Variants in COMMD10 observed in about 807,000 individuals in gnomAD.
The protein encoded by COMMD10 is COMM domain containing 10.
In COMMD10, 33 loss-of-function variants were observed where a neutral mutation model predicts 28.9. The ratio of observed to expected loss-of-function variants is 1.14; its 90% CI spans 0.87 to 1.53. The LOEUF (loss-of-function observed/expected upper bound fraction) is 1.53. Ranked by LOEUF, COMMD10 falls within the 40% of genes most tolerant of loss-of-function variation. The pLI is 0.00. For synonymous variants in COMMD10, 110 were observed against 81.7 expected, an observed-to-expected ratio of 1.35 and a Z score of -1.87; for missense variants, 310 against 233.4, an observed-to-expected ratio of 1.33 and a Z score of -2.14.
At chr5:116,209,001 G>A (rs1181427679) in intron 5 of COMMD10, among the ~76,000 whole-genome samples, 1 of 151,818 alleles carries the variant, frequency 6.6e-6, no homozygotes, top group African/African-American at 2.4e-5. Flanking sequence ...TTTTTTATTT[G>A]CCAGATTCTG....
At chr5:116,228,638 C>G (rs1043341000) in intron 5 of COMMD10, among the ~76,000 whole-genome samples, 1 of 151,852 alleles carries the variant, frequency 6.6e-6, no homozygotes, top group Non-Finnish European at 1.5e-5. Context: ...TGAATGAATG[C>G]TTTTGTGGTT....
rs372101047 is a variant in COMMD10, at chr5:116,095,265, TAAGAA to T, written c.399+2568_399+2572del. On this transcript the variant is annotated intron_variant, in intron 4 of 6. Transcript: ENST00000274458. ...ATGATCATTACACAGTCTATGCATA[TAAGAA>T]AATATAACACATATCTCATAAATAT... is the stretch of plus-strand genomic sequence containing the variant. 1.9e-3 allele frequency among the ~76,000 whole-genome samples: 290 copies of T among 152,252 alleles called. 2 individuals carry two copies. The highest frequency in any genetic ancestry group is 6.6e-3 in the African/African-American group (274 of 41,536).
rs369286018 is a variant in COMMD10, at chr5:116,272,355, G to C, written c.511-19162G>C. On this transcript the variant is annotated intron_variant, in intron 5 of 6. Transcript: ENST00000274458. ...TGAAACTCTTGTAAAATTGCTCTGT[G>C]TGATTAGAGGAATGAGCAGGAGCTT... is the stretch of plus-strand genomic sequence containing the variant. 4.6e-5 allele frequency among the ~76,000 whole-genome samples: 7 copies of C among 152,076 alleles called. No homozygotes were observed. The South Asian group carries it at 1.2e-3, about 27-fold the overall frequency.
chr5:116,138,631 T>G (rs1036013613), intron 5 of COMMD10, among the ~76,000 whole-genome samples: 11 of 151,792 alleles, frequency 7.2e-5, no homozygotes, highest in Admixed American at 3.9e-4. Context: ...CATTTTTTTT[T>G]CTTTTACAGT....
At chr5:116,235,855 C>T (rs1323630146) in intron 5 of COMMD10, among the ~76,000 whole-genome samples, 1 of 152,072 alleles carries the variant, frequency 6.6e-6, no homozygotes, top group Non-Finnish European at 1.5e-5. Flanking sequence ...TCATTCAGTT[C>T]GCTTGATACT....
At chr5:116,105,318 A>T (rs1392550354) in intron 4 of COMMD10, among the ~76,000 whole-genome samples, 1 of 152,166 alleles carries the variant, frequency 6.6e-6, no homozygotes, top group African/African-American at 2.4e-5. Flanking sequence ...CGACTTGATC[A>T]TGGTGGATAA....
At chr5:116,206,279 C>T (rs182471447) in intron 5 of COMMD10, among the ~76,000 whole-genome samples, 2 of 152,248 alleles carry the variant, frequency 1.3e-5, no homozygotes, top group Admixed American at 6.5e-5. Context: ...GTTGAAACAG[C>T]AGTTTCCATT....
Position 116,232,644 on chromosome 5 carries a change from A to G in COMMD10, c.511-58873A>G, listed in dbSNP as rs375651402. 2.4e-3 allele frequency among the ~76,000 whole-genome samples: 371 copies of G among 152,232 alleles called. 1 individual carries two copies. Among genetic ancestry groups the G allele is most frequent in the Non-Finnish European group, 4.5e-3 (303 of 68,016 alleles). On this transcript the variant is annotated intron_variant, in intron 5 of 6. Coordinates refer to ENST00000274458, the MANE Select transcript of COMMD10 (RefSeq NM_016144.4). ...TAAACCCCAGGGGGGCAGAGGTTGC[A>G]GTGAGCCAGGATCACACCACTGCAC... is the stretch of plus-strand genomic sequence containing the variant.
intron 5 of COMMD10, among the ~76,000 whole-genome samples, chr5:116,217,798 T>G (rs1749142992): frequency 6.6e-6 from 1 of 151,964 alleles, no homozygotes; most frequent in African/African-American, 2.4e-5. Flanking sequence ...CTCTCAAAAC[T>G]AGAAGGGAAA....
chr5:116,271,865 C>T (rs1750768972), intron 5 of COMMD10, among the ~76,000 whole-genome samples: 1 of 151,796 alleles, frequency 6.6e-6, no homozygotes, highest in Non-Finnish European at 1.5e-5. Flanking sequence ...TTTACTTTTT[C>T]CCAACTCTGT....
intron 5 of COMMD10, among the ~76,000 whole-genome samples, chr5:116,205,258 T>C (rs1479091384): frequency 6.6e-6 from 1 of 152,156 alleles, no homozygotes; most frequent in African/African-American, 2.4e-5. Context: ...TGGACCTGTA[T>C]TTTCATTTTT....
At chr5:116,246,550 A>C (rs1250403375) in intron 5 of COMMD10, among the ~76,000 whole-genome samples, 1 of 152,146 alleles carries the variant, frequency 6.6e-6, no homozygotes, top group Non-Finnish European at 1.5e-5. Flanking sequence ...AAGCAAAAAG[A>C]GCAAAGCTGG....
chr5:116,170,172 C>T (rs752872075), intron 5 of COMMD10, among the ~76,000 whole-genome samples: 1 of 152,128 alleles, frequency 6.6e-6, no homozygotes, highest in Non-Finnish European at 1.5e-5. Context: ...GCACAAATCA[C>T]AAGCATTCCT....
intron 4 of COMMD10, among the ~76,000 whole-genome samples, chr5:116,126,319 G>A (rs146750285): frequency 6.6e-6 from 1 of 152,110 alleles, no homozygotes; most frequent in African/African-American, 2.4e-5. Flanking sequence ...TGAATAGGAA[G>A]AATCGATATC....
intron 5 of COMMD10, among the ~76,000 whole-genome samples, chr5:116,175,585 G>A (rs1158692297): frequency 1.3e-5 from 2 of 150,428 alleles, no homozygotes; most frequent in African/African-American, 4.9e-5. Flanking sequence ...GTTTGTAGCA[G>A]CAGAATTCAC....
At chr5:116,266,927 G>A (rs1393934094) in intron 5 of COMMD10, among the ~76,000 whole-genome samples, 2 of 151,840 alleles carry the variant, frequency 1.3e-5, no homozygotes, top group Non-Finnish European at 1.5e-5. Context: ...CAATAAATTA[G>A]GTATTGATGG....
intron 5 of COMMD10, among the ~76,000 whole-genome samples, chr5:116,160,901 A>G (rs1457743196): frequency 6.6e-6 from 1 of 152,168 alleles, no homozygotes; most frequent in Non-Finnish European, 1.5e-5. Context: ...AACCTGTGCT[A>G]TTCTGTGTTG....
intron 5 of COMMD10, among the ~76,000 whole-genome samples, chr5:116,136,712 C>T (rs977267685): frequency 3.3e-5 from 5 of 152,108 alleles, no homozygotes; most frequent in African/African-American, 1.2e-4. Flanking sequence ...GAAATATGAG[C>T]TTGAGTACAT....
intron 5 of COMMD10, among the ~76,000 whole-genome samples, chr5:116,250,995 A>C (rs979170290): frequency 6.6e-6 from 1 of 151,904 alleles, no homozygotes; most frequent in Non-Finnish European, 1.5e-5. Flanking sequence ...CAGTTTTCCT[A>C]CCAGTTCCTG....
Sources: allele counts gnomAD v4.1 joint callset (sites outside exome capture counted in the v4.1 genomes callset), GRCh38; gene constraint gnomAD v4.1.1; transcripts MANE v1.5; gene names NCBI Gene and HGNC (gene_info 2026-07-23, HGNC 2026-07-21).